Variants in RGS7BP observed in about 807,000 individuals in gnomAD.
RGS7BP encodes regulator of G protein signaling 7-binding protein.
RGS7BP carries 9 observed loss-of-function variants against 31.3 expected under a neutral mutation model. The ratio of observed to expected loss-of-function variants is 0.29; its 90% CI spans 0.17 to 0.50. RGS7BP has a LOEUF of 0.50. Among genes scored for constraint, RGS7BP ranks in the 20% least tolerant of loss-of-function variants. The pLI, the probability that RGS7BP is intolerant of heterozygous loss-of-function variation, is 0.98. For missense variants in RGS7BP, 274 were observed against 322.0 expected, an observed-to-expected ratio of 0.85 and a Z score of 1.14; for synonymous variants, 115 against 120.1, an observed-to-expected ratio of 0.96 and a Z score of 0.28.
At chr5:64,573,207 C>A (rs890097851) in intron 2 of RGS7BP, among the ~76,000 whole-genome samples, 2 of 151,706 alleles carry the variant, frequency 1.3e-5, no homozygotes, top group African/African-American at 4.8e-5. Context: ...TTTTCTTAAT[C>A]CAGTCTATCA....
chr5:64,583,206 G>A (rs1335299727), intron 3 of RGS7BP, among the ~76,000 whole-genome samples: 1 of 152,046 alleles, frequency 6.6e-6, no homozygotes, highest in Admixed American at 6.6e-5. Flanking sequence ...CGGCCGACGT[G>A]GTGAAACCCT....
intron 2 of RGS7BP, among the ~76,000 whole-genome samples, chr5:64,566,557 A>G (rs111264331): frequency 1.9e-4 from 29 of 152,160 alleles, no homozygotes; most frequent in African/African-American, 3.9e-4. Flanking sequence ...CAGCAGCTAT[A>G]CATGCTTGTT....
chr5:64,609,537 A>G lies in RGS7BP; in HGVS notation c.*285A>G, dbSNP rs1173394336. 4 of 347,860 alleles carry G rather than the reference A, an allele frequency of 1.1e-5. No homozygotes were observed. Among genetic ancestry groups the G allele is most frequent in the Non-Finnish European group, 1.6e-5 (3 of 186,822 alleles). The allele number at this position is 347,860 out of a possible 1,614,324, so 21.5% of individuals were successfully genotyped here. ...AAACCACGCCATGACAGATGCAAGAATTATGATTTTTAAATTATTTAAAGG... is the reference window on the plus strand; with the variant it reads ...AAACCACGCCATGACAGATGCAAGAGTTATGATTTTTAAATTATTTAAAGG... On this transcript the variant is annotated 3_prime_UTR_variant, in exon 6 of 6. Transcript: ENST00000334025.
At chr5:64,580,004 C>A (rs1291461917) in intron 3 of RGS7BP, among the ~76,000 whole-genome samples, 2 of 152,158 alleles carry the variant, frequency 1.3e-5, no homozygotes, top group Non-Finnish European at 2.9e-5. Flanking sequence ...CGTAGAGCAA[C>A]CTGTCTGCCC....
intron 3 of RGS7BP, among the ~76,000 whole-genome samples, chr5:64,582,602 A>G (rs1432296524): frequency 4.6e-5 from 7 of 152,160 alleles, no homozygotes; most frequent in Non-Finnish European, 1.0e-4. Flanking sequence ...AAAATGTGCT[A>G]CCATGGTAAA....
chr5:64,555,707 T>C (rs1441605815), intron 2 of RGS7BP, among the ~76,000 whole-genome samples: 1 of 152,104 alleles, frequency 6.6e-6, no homozygotes, highest in Non-Finnish European at 1.5e-5. Flanking sequence ...TTCAACTGTG[T>C]TAATAGTTGA....
intron 2 of RGS7BP, among the ~76,000 whole-genome samples, chr5:64,566,583 T>C (rs1742174561): frequency 6.6e-6 from 1 of 152,108 alleles, no homozygotes; most frequent in African/African-American, 2.4e-5. Flanking sequence ...GTTGCATGTC[T>C]CATTAGCATC....
chr5:64,607,198 A>G (rs946842225), intron 5 of RGS7BP, among the ~76,000 whole-genome samples: 1 of 152,124 alleles, frequency 6.6e-6, no homozygotes, highest in African/African-American at 2.4e-5. Flanking sequence ...ATGACACTTT[A>G]TGTAAGAGGA....
chr5:64,605,936 A>ATGTATATCTGGATACATATATATATGC (rs2111983198), intron 5 of RGS7BP, among the ~76,000 whole-genome samples: 1 of 132,360 alleles, frequency 7.6e-6, no homozygotes, highest in African/African-American at 2.7e-5. Flanking sequence ...TGCTATATAT[A>ATGTATATCTGGATACATATATATATGC]TGTATATCTG....
chr5:64,562,904 G>C (rs1742087049), intron 2 of RGS7BP, among the ~76,000 whole-genome samples: 1 of 152,156 alleles, frequency 6.6e-6, no homozygotes, highest in Non-Finnish European at 1.5e-5. Flanking sequence ...GGGAAAGCCA[G>C]ATAATGAGTA....
rs182818549 is a variant in RGS7BP at position 64,593,198 on chromosome 5, G to T, written c.464-1512G>T. On this transcript the variant is annotated intron_variant, in intron 3 of 5. Transcript: ENST00000334025. ...GCTGAATATTCCGAGTTCCACTATA[G>T]GTTCCACTATAGGTTGGTGAAAGGC... 3.0e-4 allele frequency among the ~76,000 whole-genome samples: 46 copies of T among 152,228 alleles called. 1 individual carries two copies. The East Asian group carries it at 8.7e-3, about 29-fold the overall frequency.
chr5:64,593,769 A>G (rs1157665338), intron 3 of RGS7BP, among the ~76,000 whole-genome samples: 2 of 152,160 alleles, frequency 1.3e-5, no homozygotes, highest in East Asian at 3.9e-4. Flanking sequence ...ATATTTGTAA[A>G]TGAGTGAATG....
intron 2 of RGS7BP, among the ~76,000 whole-genome samples, chr5:64,558,623 A>G (rs141183458): frequency 0.023 from 3,478 of 152,218 alleles, 123 homozygotes; most frequent in African/African-American, 0.078. Context: ...AAAAGAACAG[A>G]ATAATAGCAA....
intron 4 of RGS7BP, among the ~76,000 whole-genome samples, chr5:64,597,778 A>C (rs1743113955): frequency 6.6e-6 from 1 of 151,932 alleles, no homozygotes; most frequent in Non-Finnish European, 1.5e-5. Context: ...GTGAGAAAAT[A>C]CTCAGTGGGT....
chr5:64,580,276 A>G (rs1359855918), intron 3 of RGS7BP, among the ~76,000 whole-genome samples: 4 of 152,216 alleles, frequency 2.6e-5, no homozygotes, highest in African/African-American at 7.2e-5. Flanking sequence ...CTTACTGCCT[A>G]TAAGAAGTGA....
intron 2 of RGS7BP, among the ~76,000 whole-genome samples, chr5:64,541,260 G>A (rs1408248598): frequency 6.6e-6 from 1 of 152,078 alleles, no homozygotes; most frequent in Non-Finnish European, 1.5e-5. Flanking sequence ...AGATCTCATG[G>A]GAACTAACTG....
At chr5:64,507,315 C>T (rs76672572) in intron 1 of RGS7BP, among the ~76,000 whole-genome samples, 9,840 of 152,262 alleles carry the variant, frequency 0.065, 398 homozygotes, top group Admixed American at 0.11. Context: ...CCCGCCCCTC[C>T]CGCCGTGCAA....
intron 2 of RGS7BP, among the ~76,000 whole-genome samples, chr5:64,531,593 G>A (rs762576797): frequency 1.8e-4 from 28 of 152,164 alleles, no homozygotes; most frequent in Middle Eastern, 6.8e-3. Context: ...CTCCTTATTC[G>A]TTTGTTCATT....
chr5:64,586,917 C>T (rs769983330), intron 3 of RGS7BP, among the ~76,000 whole-genome samples: 1 of 152,142 alleles, frequency 6.6e-6, no homozygotes, highest in Non-Finnish European at 1.5e-5. Flanking sequence ...TAAATCCATA[C>T]TAGTTCATGT....
Sources: gnomAD v4.1 joint callset for allele counts (sites outside exome capture counted in the v4.1 genomes callset) on GRCh38, gnomAD v4.1.1 for gene constraint, MANE v1.5 for transcripts, NCBI Gene and HGNC (gene_info 2026-07-23, HGNC 2026-07-21) for gene names.